Variants in E2F2 observed in about 807,000 individuals in gnomAD.
E2F2 encodes transcription factor E2F2.
Under a neutral mutation model 42.2 loss-of-function variants are expected in E2F2, and 22 were observed. That is an observed-to-expected ratio of 0.52 (90% CI 0.37 to 0.74). The LOEUF is 0.74. E2F2 is among the 30% of genes least tolerant of loss of function. The pLI is 0.00. For synonymous variants in E2F2, 248 were observed against 251.6 expected (o/e 0.99, Z 0.13); for missense variants, 481 against 557.8 (o/e 0.86, Z 1.39).
chr1:23,524,106 A>ACAAC (rs1553184354), intron 2 of E2F2, among the ~76,000 whole-genome samples: 2 of 131,608 alleles, frequency 1.5e-5, no homozygotes, highest in African/African-American at 2.7e-5. Context: ...AACAACAACA[A>ACAAC]AAAAAAACAC....
intron 4 of E2F2, chr1:23,519,334 A>C (rs1054590033): frequency 2.2e-4 from 87 of 388,448 alleles, no homozygotes; most frequent in Non-Finnish European, 1.3e-4. Flanking sequence ...AATATAAATC[A>C]TAAAAAATGT....
In E2F2 at chr1:23,507,328, C is replaced by G. The variant is rs1642817262; in HGVS notation, c.*2552G>C. ...GGTCAGGAGTTCAAGACCAGCCTGA[C>G]TAACATGGCAAAACCCCGTCTCGAC... On this transcript the variant is annotated 3_prime_UTR_variant, in exon 7 of 7. Transcript: ENST00000361729. The G allele has an allele frequency of 6.6e-6, 1 of 152,228 alleles. No homozygotes were observed. Among genetic ancestry groups the G allele is most frequent in the Middle Eastern group, 3.4e-3 (1 of 296 alleles). 9.4% of individuals were successfully genotyped at this position (152,228 alleles called of 1,614,324 possible). A position where few individuals can be genotyped will look rare whatever the true frequency, so the allele number is the denominator to read the frequency against.
intron 6 of E2F2, among the ~76,000 whole-genome samples, chr1:23,515,978 A>G (rs750053985): frequency 6.6e-6 from 1 of 152,248 alleles, no homozygotes; most frequent in Non-Finnish European, 1.5e-5. Context: ...CTGGGATTAT[A>G]GGCGTGAGCT....
intron 5 of E2F2, among the ~76,000 whole-genome samples, chr1:23,517,059 A>T (rs1643039143): frequency 6.6e-6 from 1 of 152,186 alleles, no homozygotes; most frequent in Non-Finnish European, 1.5e-5. Context: ...AGAGAAAAGC[A>T]GAGAGATGAA....
In E2F2 at chr1:23,509,666, T is replaced by G; in HGVS notation, c.*214A>C. The G allele has an allele frequency of 1.0e-5, 9 of 876,856 alleles. No homozygotes were observed. Among genetic ancestry groups the G allele is most frequent in the Non-Finnish European group, 1.2e-5 (8 of 660,646 alleles). 54.3% of individuals were successfully genotyped at this position (876,856 alleles called of 1,614,324 possible). A position where few individuals can be genotyped will look rare whatever the true frequency, so the allele number is the denominator to read the frequency against. On this transcript the variant is annotated 3_prime_UTR_variant, in exon 7 of 7. Transcript: ENST00000361729. ...TGGGCCTCCCTAGGCCCAGCTTCCA[T>G]TAGGAAGGTGAGGACCACCCCTTAT... is the stretch of plus-strand genomic sequence containing the variant.
chr1:23,516,340 G>A lies in E2F2; in HGVS notation c.1040C>T (p.Ser347Phe). ...CCTCTGGACAAGGGACCTACCTGAGGATGCTGTGGGCTCCATGATGCTAGG... is the reference window on the plus strand; with the variant it reads ...CCTCTGGACAAGGGACCTACCTGAGAATGCTGTGGGCTCCATGATGCTAGG... ...TDPSIMEPTA[S>F]SVPAPAPTPQ... Residue 347 changes from serine to phenylalanine, a missense_variant, in exon 6 of 7, where the codon TCC becomes TTC. Ser to Phe is a radical substitution (Grantham distance 155). Transcript: ENST00000361729. The A allele has an allele frequency of 6.5e-7, 1 of 1,534,756 alleles. No individual in the cohort carries two copies. Among genetic ancestry groups the A allele is most frequent in the Non-Finnish European group, 8.7e-7 (1 of 1,145,372 alleles).
rs141654016 is a variant in E2F2, at chr1:23,524,431, T to A, written c.310A>T (p.Thr104Ser). 1.3e-6 allele frequency: 2 copies of A among 1,572,266 alleles called. No homozygotes were observed. The highest frequency in any genetic ancestry group is 1.7e-6 in the Non-Finnish European group (2 of 1,156,062). The change falls in exon 2 of 7, where the codon ACC (threonine) becomes TCC (serine). Residue 104 changes from threonine to serine, a missense_variant. Thr to Ser is a moderately conservative substitution (Grantham distance 58). Transcript: ENST00000361729. ...ACTCTGATGCACTTCCCCTTGGGGG[T>A]TGGGAACTCAGGGACGACGGGCCTC... Reference protein sequence around the residue: ...IGRPVVPEFPTPKGKCIRVDG... With the variant: ...IGRPVVPEFPSPKGKCIRVDG...
intron 6 of E2F2, among the ~76,000 whole-genome samples, chr1:23,514,829 G>T (rs905723564): frequency 2.7e-3 from 318 of 118,156 alleles, no homozygotes; most frequent in African/African-American, 0.011. Context: ...GAGCGAGACT[G>T]TCTCAAAAAA....
intron 6 of E2F2, among the ~76,000 whole-genome samples, chr1:23,512,912 A>G (rs1642938374): frequency 6.6e-6 from 1 of 151,706 alleles, no homozygotes; most frequent in Admixed American, 6.6e-5. Context: ...TTCCTGGTTC[A>G]AGTGACTATT....
At chr1:23,527,817 A>G (rs532033383) in intron 1 of E2F2, among the ~76,000 whole-genome samples, 1 of 152,212 alleles carries the variant, frequency 6.6e-6, no homozygotes, top group Non-Finnish European at 1.5e-5. Context: ...TTCATGCCTC[A>G]CAAGAGGAAA....
intron 6 of E2F2, 40 bp downstream of exon 6, chr1:23,516,295 C>T: frequency 7.0e-7 from 1 of 1,434,674 alleles, no homozygotes; most frequent in Non-Finnish European, 9.1e-7. Flanking sequence ...TAAGGCCGGT[C>T]TCTCCCCCCA....
intron 6 of E2F2, among the ~76,000 whole-genome samples, chr1:23,512,387 C>T (rs927881380): frequency 1.3e-5 from 2 of 151,804 alleles, no homozygotes; most frequent in African/African-American, 4.8e-5. Flanking sequence ...CTGAGGGAGT[C>T]CATGCTGTTA....
At chr1:23,519,954 T>C (rs928970354) in intron 4 of E2F2, among the ~76,000 whole-genome samples, 1 of 151,716 alleles carries the variant, frequency 6.6e-6, no homozygotes, top group Admixed American at 6.6e-5. Flanking sequence ...GGCAGGCGCC[T>C]GTAATCTCAG....
intron 3 of E2F2, 35 bp from the exon 4 acceptor site, chr1:23,521,106 G>A (rs1361396530): frequency 8.3e-6 from 13 of 1,575,710 alleles, no homozygotes; most frequent in Non-Finnish European, 1.1e-5. Flanking sequence ...GTCAGTCTGT[G>A]GGTGAAACTC....
Position 23,509,851 on chromosome 1 carries a change from G to T in E2F2, c.*29C>A, listed in dbSNP as rs769225787. 6.6e-7 allele frequency: 1 copy of T among 1,521,212 alleles called. No individual in the cohort carries two copies. Among genetic ancestry groups the T allele is most frequent in the Non-Finnish European group, 8.8e-7 (1 of 1,132,210 alleles). The allele number at this position is 1,521,212 out of a possible 1,614,324, so 94.2% of individuals were successfully genotyped here. On this transcript the variant is annotated 3_prime_UTR_variant, in exon 7 of 7. Transcript: ENST00000361729. Reference sequence around the variant, plus strand: ...CTGTCTGTGAGGAGGTAGAGTCGGGGGCAGGCTGCTGGGGGCAGGCAGGGC... The same window carrying T: ...CTGTCTGTGAGGAGGTAGAGTCGGGTGCAGGCTGCTGGGGGCAGGCAGGGC...
chr1:23,525,133 C>T (rs995243377), intron 1 of E2F2, among the ~76,000 whole-genome samples: 4 of 152,202 alleles, frequency 2.6e-5, no homozygotes, highest in Non-Finnish European at 4.4e-5. Flanking sequence ...CTTTCTTTGC[C>T]GAGAGGGGCA....
rs896108381 is a variant in E2F2, at chr1:23,521,134, A to C, written c.579-63T>G. On this transcript the variant is annotated intron_variant, in intron 3 of 6. Transcript: ENST00000361729. ...TGAAACTCCAGAACAAGGTCATTCA[A>C]AAAATAGTCTATGAGGGTGCTTCCC... 7.4e-6 allele frequency: 11 copies of C among 1,481,770 alleles called. No homozygotes were observed. The East Asian group carries it at 2.6e-4, about 35-fold the overall frequency. 91.8% of individuals were successfully genotyped at this position (1,481,770 alleles called of 1,614,324 possible). A position where few individuals can be genotyped will look rare whatever the true frequency, so the allele number is the denominator to read the frequency against.
chr1:23,524,072 CACAACAACA>C (rs61262862), intron 2 of E2F2, among the ~76,000 whole-genome samples: 4 of 125,180 alleles, frequency 3.2e-5, no homozygotes, highest in African/African-American at 6.0e-5. Context: ...AGACCTGTCT[CACAACAACA>C]ACAACAACAA....
At chr1:23,515,334 G>A (rs930083999) in intron 6 of E2F2, among the ~76,000 whole-genome samples, 2 of 152,124 alleles carry the variant, frequency 1.3e-5, no homozygotes, top group Admixed American at 1.3e-4. Flanking sequence ...CAACTTACCT[G>A]TACTACCTTC....
Sources: allele counts gnomAD v4.1 joint callset (sites outside exome capture counted in the v4.1 genomes callset), GRCh38; gene constraint gnomAD v4.1.1; transcripts MANE v1.5; gene names NCBI Gene and HGNC (gene_info 2026-07-23, HGNC 2026-07-21).